The following PPM1H variants were observed in gnomAD, a reference collection of about 807,000 sequenced individuals.
PPM1H encodes the protein protein phosphatase, Mg2+/Mn2+ dependent 1H, also known as protein phosphatase 1H.
A neutral mutation model predicts 54.9 loss-of-function variants in PPM1H; 27 were observed. The ratio of observed to expected loss-of-function variants is 0.49; its 90% CI spans 0.36 to 0.68. The LOEUF is 0.68. PPM1H is among the 30% of genes least tolerant of loss of function. The pLI is 0.00. For synonymous variants in PPM1H, 305 were observed against 270.8 expected, an observed-to-expected ratio of 1.13 and a Z score of -1.24; for missense variants, 596 against 667.8, an observed-to-expected ratio of 0.89 and a Z score of 1.19.
chr12:62,754,378 C>G (rs1343169147), intron 4 of PPM1H, among the ~76,000 whole-genome samples: 1 of 152,086 alleles, frequency 6.6e-6, no homozygotes, highest in Non-Finnish European at 1.5e-5. Flanking sequence ...CCAACCTGGA[C>G]AACATGATGA....
intron 4 of PPM1H, among the ~76,000 whole-genome samples, chr12:62,779,927 G>A (rs2076631682): frequency 6.6e-6 from 1 of 152,152 alleles, no homozygotes; most frequent in African/African-American, 2.4e-5. Flanking sequence ...AATCTCTTCA[G>A]CACTCCAGTC....
At chr12:62,813,474 C>A (rs2076847757) in intron 2 of PPM1H, among the ~76,000 whole-genome samples, 1 of 152,170 alleles carries the variant, frequency 6.6e-6, no homozygotes, top group South Asian at 2.1e-4. Context: ...CTCTTCCATG[C>A]CTGTTAGTTT....
Position 62,923,495 on chromosome 12 carries a change from G to A in PPM1H, c.245+10997C>T, listed in dbSNP as rs144044005. On this transcript the variant is annotated intron_variant, in intron 1 of 9. Coordinates refer to ENST00000228705, the MANE Select transcript of PPM1H (RefSeq NM_020700.2). Reference sequence around the variant, plus strand: ...CGGCTCACTGCAACCTCTGCCTCCCGGGTTCAAGCGATTCTCCTGCCTCAG... The same window carrying A: ...CGGCTCACTGCAACCTCTGCCTCCCAGGTTCAAGCGATTCTCCTGCCTCAG... 3.5e-3 allele frequency among the ~76,000 whole-genome samples: 533 copies of A among 152,156 alleles called. 5 individuals carry two copies. Among genetic ancestry groups the A allele is most frequent in the African/African-American group, 0.011 (468 of 41,522 alleles).
At chr12:62,720,091 G>T in intron 6 of PPM1H, 80 bp downstream of exon 6, 1 of 1,246,634 alleles carries the variant, frequency 8.0e-7, no homozygotes, top group Non-Finnish European at 1.2e-6. Context: ...GATCCAAACT[G>T]TGTAACTGGC....
chr12:62,711,192 A>G (rs1013016412), intron 6 of PPM1H, among the ~76,000 whole-genome samples: 1 of 152,252 alleles, frequency 6.6e-6, no homozygotes, highest in Admixed American at 6.5e-5. Context: ...GGGTCTCCCC[A>G]TGTTGCCCAG....
intron 3 of PPM1H, among the ~76,000 whole-genome samples, chr12:62,794,878 G>T (rs1198620223): frequency 1.3e-5 from 2 of 152,190 alleles, no homozygotes; most frequent in African/African-American, 2.4e-5. Context: ...GCCAGGCCTT[G>T]CTGGGAAGCA....
intron 1 of PPM1H, among the ~76,000 whole-genome samples, chr12:62,925,601 A>G (rs1871949042): frequency 6.6e-6 from 1 of 152,204 alleles, no homozygotes; most frequent in Non-Finnish European, 1.5e-5. Flanking sequence ...TGAACAAACA[A>G]CAATGAGCAG....
At position 62,808,137 on chromosome 12, in the gene PPM1H, T is replaced by A. The variant is rs183523661; in HGVS notation, c.412-5977A>T. ...ATGAGCCACCGTGTCTGGCCACCCA[T>A]CCCATCATTTAATAAACCTTATATA... On this transcript the variant is annotated intron_variant, in intron 2 of 9. Coordinates refer to ENST00000228705, the MANE Select transcript of PPM1H (RefSeq NM_020700.2). Among the ~76,000 whole-genome samples, 113 of 152,302 alleles carry A rather than the reference T, an allele frequency of 7.4e-4. 3 individuals carry two copies. In the South Asian group the frequency reaches 0.019, roughly 26 times the overall value.
intron 2 of PPM1H, among the ~76,000 whole-genome samples, chr12:62,806,564 T>TGGG (rs1218815633): frequency 6.6e-6 from 1 of 152,144 alleles, no homozygotes; most frequent in Non-Finnish European, 1.5e-5. Context: ...GACTGCATCA[T>TGGG]GGGGGTGGAT....
intron 9 of PPM1H, among the ~76,000 whole-genome samples, chr12:62,649,819 T>A (rs1486995182): frequency 6.6e-6 from 1 of 152,222 alleles, no homozygotes; most frequent in Non-Finnish European, 1.5e-5. Context: ...TCTTGTGAGC[T>A]TGGTTAAGGT....
At chr12:62,893,163 C>G (rs138980521) in intron 1 of PPM1H, among the ~76,000 whole-genome samples, 1 of 152,130 alleles carries the variant, frequency 6.6e-6, no homozygotes, top group Non-Finnish European at 1.5e-5. Context: ...TGACAGAGAT[C>G]GTATGGGCCC....
At chr12:62,815,648 C>T (rs1355982442) in intron 2 of PPM1H, among the ~76,000 whole-genome samples, 1 of 152,096 alleles carries the variant, frequency 6.6e-6, no homozygotes, top group Non-Finnish European at 1.5e-5. Flanking sequence ...GAGCACCTAC[C>T]CCATGCACTA....
intron 6 of PPM1H, among the ~76,000 whole-genome samples, chr12:62,705,775 G>C (rs531797021): frequency 6.6e-6 from 1 of 152,236 alleles, no homozygotes; most frequent in South Asian, 2.1e-4. Flanking sequence ...CTTTCTCAGA[G>C]ACCATTTATT....
chr12:62,924,364 C>T (rs868564737), intron 1 of PPM1H, among the ~76,000 whole-genome samples: 6 of 152,178 alleles, frequency 3.9e-5, no homozygotes, highest in African/African-American at 7.2e-5. Flanking sequence ...TAAGAATCAC[C>T]CACATGGCTG....
intron 9 of PPM1H, 98 bp from the exon 10 acceptor site, chr12:62,648,734 T>G: frequency 2.3e-6 from 3 of 1,328,426 alleles, no homozygotes; most frequent in Middle Eastern, 2.6e-4. Context: ...TACAGTTGTA[T>G]AAATAAGTTT....
At chr12:62,896,550 G>A (rs545311661) in intron 1 of PPM1H, among the ~76,000 whole-genome samples, 2 of 152,232 alleles carry the variant, frequency 1.3e-5, no homozygotes, top group Admixed American at 1.3e-4. Context: ...CCACAGTGAG[G>A]TACCATCTCA....
chr12:62,778,105 T>C (rs945612545), intron 4 of PPM1H, among the ~76,000 whole-genome samples: 7 of 152,192 alleles, frequency 4.6e-5, no homozygotes, highest in African/African-American at 1.7e-4. Flanking sequence ...GTGACAAAAT[T>C]CAGGTAACAA....
intron 5 of PPM1H, among the ~76,000 whole-genome samples, chr12:62,727,694 T>C (rs900813939): frequency 5.0e-5 from 7 of 140,940 alleles, no homozygotes; most frequent in African/African-American, 1.8e-4. Context: ...GGATTCTCAC[T>C]CTGTTGCCCA....
chr12:62,709,128 C>T (rs1006814542), intron 6 of PPM1H, among the ~76,000 whole-genome samples: 1 of 152,220 alleles, frequency 6.6e-6, no homozygotes, highest in Non-Finnish European at 1.5e-5. Context: ...CTCTTGCTCC[C>T]TCTGACATGT....
Sources: gnomAD v4.1 joint callset for allele counts (sites outside exome capture counted in the v4.1 genomes callset) on GRCh38, gnomAD v4.1.1 for gene constraint, MANE v1.5 for transcripts, NCBI Gene and HGNC (gene_info 2026-07-23, HGNC 2026-07-21) for gene names.